The following PDE3B variants were observed in gnomAD, a reference collection of about 807,000 sequenced individuals.
PDE3B encodes the protein cGMP-inhibited 3',5'-cyclic phosphodiesterase 3B.
A neutral mutation model predicts 116.8 loss-of-function variants in PDE3B; 66 were observed. The observed-to-expected ratio is 0.56, with a 90% CI of 0.46 to 0.69. The LOEUF (loss-of-function observed/expected upper bound fraction) is 0.69. Ranked by LOEUF, PDE3B falls within the 30% of genes least tolerant of loss-of-function variation. PDE3B has a pLI of 0.00. For synonymous variants in PDE3B, 595 were observed against 533.6 expected, an observed-to-expected ratio of 1.12 and a Z score of -1.59; for missense variants, 1,384 against 1,368.1, an observed-to-expected ratio of 1.01 and a Z score of -0.18.
Position 14,644,527 on chromosome 11 carries a change from C to T in PDE3B, c.452C>T (p.Ser151Phe), listed in dbSNP as rs1377015091. Residue 151 changes from serine to phenylalanine, a missense_variant, in exon 1 of 16, where the codon TCC becomes TTC. By Grantham distance (155) the Ser-to-Phe change is radical (BLOSUM62 -2). Transcript: ENST00000282096. ...RGPGPGRSCG[S>F]WWLLALPACC... ...CCCGGCCCGGGCCGGAGCTGCGGCT[C>T]CTGGTGGCTGCTGGCGCTGCCCGCC... 2.5e-6 allele frequency: 4 copies of T among 1,607,054 alleles called. No individual in the cohort carries two copies. The highest frequency in any genetic ancestry group is 1.7e-5 in the Admixed American group (1 of 59,300).
In PDE3B at chr11:14,655,686, G is replaced by A. The variant is rs542428759; in HGVS notation, c.978+10633G>A. On this transcript the variant is annotated intron_variant, in intron 1 of 15. Transcript: ENST00000282096. ...GGCAAATAGTGATCAGTTTTTCGGG[G>A]GAGTGTATTGGAAGTCTTTATAGAG... Among the ~76,000 whole-genome samples the A allele has an allele frequency of 2.0e-5, 3 of 152,190 alleles. No individual in the cohort carries two copies. The South Asian group carries it at 6.2e-4, about 32-fold the overall frequency.
intron 1 of PDE3B, among the ~76,000 whole-genome samples, chr11:14,651,708 T>C (rs990368893): frequency 2.6e-5 from 4 of 152,192 alleles, no homozygotes; most frequent in Non-Finnish European, 4.4e-5. Context: ...AGATTCAATC[T>C]CATTTTTTAT....
intron 1 of PDE3B, among the ~76,000 whole-genome samples, chr11:14,764,276 A>G (rs1429764122): frequency 6.6e-6 from 1 of 152,036 alleles, no homozygotes; most frequent in Non-Finnish European, 1.5e-5. Context: ...CTACTCCTCA[A>G]CTCTATTTTT....
chr11:14,836,319 AAATAT>A (rs1267266041), intron 11 of PDE3B, among the ~76,000 whole-genome samples: 144 of 152,246 alleles, frequency 9.5e-4, no homozygotes, highest in African/African-American at 3.3e-3. Flanking sequence ...TCATATTGAG[AAATAT>A]AATATATAAA....
At chr11:14,660,093 A>T (rs980075212) in intron 1 of PDE3B, among the ~76,000 whole-genome samples, 1 of 152,188 alleles carries the variant, frequency 6.6e-6, no homozygotes, top group Non-Finnish European at 1.5e-5. Context: ...TTAGGCAATT[A>T]AAATCCTCCG....
intron 1 of PDE3B, among the ~76,000 whole-genome samples, chr11:14,656,675 T>C (rs1462690510): frequency 6.6e-6 from 1 of 152,184 alleles, no homozygotes; most frequent in East Asian, 1.9e-4. Flanking sequence ...GAAATAGATG[T>C]GATATGAAAT....
At chr11:14,690,749 T>A (rs909530020) in intron 1 of PDE3B, among the ~76,000 whole-genome samples, 1 of 152,114 alleles carries the variant, frequency 6.6e-6, no homozygotes, top group African/African-American at 2.4e-5. Flanking sequence ...TTTTAAATGA[T>A]GCATTGGGGT....
At chr11:14,710,093 A>C (rs148054047) in intron 1 of PDE3B, among the ~76,000 whole-genome samples, 1 of 152,184 alleles carries the variant, frequency 6.6e-6, no homozygotes, top group South Asian at 2.1e-4. Flanking sequence ...ATGAGCATAC[A>C]TACACCCTGG....
chr11:14,876,511 G>A (rs577620352), downstream of PDE3B, among the ~76,000 whole-genome samples: 2 of 152,222 alleles, frequency 1.3e-5, no homozygotes, highest in East Asian at 3.9e-4. Flanking sequence ...TTTGGGAGAA[G>A]CCAACTCCAT....
In PDE3B at chr11:14,783,597, C is replaced by T. The variant is rs149631254; in HGVS notation, c.1030-2840C>T. Among the ~76,000 whole-genome samples the T allele has an allele frequency of 5.7e-4, 86 of 150,832 alleles. 1 individual carries two copies. Among genetic ancestry groups the T allele is most frequent in the African/African-American group, 1.9e-3 (79 of 41,186 alleles). Reference sequence around the variant, plus strand: ...ACACAGGAAGGGGAACATCACACACCGGGGCTTGTAGTGGGGTGGGGGAGT... The same window carrying T: ...ACACAGGAAGGGGAACATCACACACTGGGGCTTGTAGTGGGGTGGGGGAGT... On this transcript the variant is annotated intron_variant, in intron 2 of 15. Transcript: ENST00000282096.
At chr11:14,827,460 C>A (rs1329224124) in intron 7 of PDE3B, among the ~76,000 whole-genome samples, 2 of 152,160 alleles carry the variant, frequency 1.3e-5, no homozygotes, top group African/African-American at 4.8e-5. Context: ...TAAGTAACTT[C>A]AGCAGAGTTT....
At chr11:14,704,937 G>A (rs1201446458) in intron 1 of PDE3B, among the ~76,000 whole-genome samples, 1 of 151,268 alleles carries the variant, frequency 6.6e-6, no homozygotes, top group Non-Finnish European at 1.5e-5. Context: ...GGTTAACATA[G>A]GAAAAATATT....
intron 1 of PDE3B, among the ~76,000 whole-genome samples, chr11:14,678,193 TG>T: frequency 6.6e-6 from 1 of 152,326 alleles, no homozygotes; most frequent in Middle Eastern, 3.4e-3. Flanking sequence ...CCCGGACTGC[TG>T]GGATTATAGG....
At chr11:14,861,408 C>T in intron 14 of PDE3B, 42 bp downstream of exon 14, 1 of 1,560,582 alleles carries the variant, frequency 6.4e-7, no homozygotes, top group Non-Finnish European at 8.8e-7. Context: ...TAAGAGCTGT[C>T]ATGAGAAGAC....
At chr11:14,879,465 AGTT>A in the PDE3B span, 1 of 1,562,992 alleles carries the variant, frequency 6.4e-7, no homozygotes, top group Non-Finnish European at 8.7e-7. Context: ...AAAGTATTCA[AGTT>A]ATTATGCAGT....
the PDE3B span, chr11:14,891,917 A>G: frequency 1.3e-6 from 2 of 1,557,346 alleles, no homozygotes; most frequent in Non-Finnish European, 1.7e-6. Context: ...TCCAACCAGG[A>G]AGGCCCTGGC....
chr11:14,895,481 G>C, the PDE3B span, among the ~76,000 whole-genome samples: 343 of 152,286 alleles, frequency 2.3e-3, 1 homozygote, highest in African/African-American at 7.4e-3. Context: ...CTGTTCCCAA[G>C]GTGAATTTCT....
intron 1 of PDE3B, among the ~76,000 whole-genome samples, chr11:14,704,100 A>G (rs1855456535): frequency 1.3e-5 from 2 of 151,784 alleles, no homozygotes; most frequent in African/African-American, 2.4e-5. Context: ...ACAAGTGAAA[A>G]CTAATTTTTA....
intron 1 of PDE3B, among the ~76,000 whole-genome samples, chr11:14,653,656 GAAATA>G (rs1853627954): frequency 6.6e-6 from 1 of 151,978 alleles, no homozygotes; most frequent in Non-Finnish European, 1.5e-5. Context: ...TATGATGAAA[GAAATA>G]AAATAGAAAC....
Sources: gnomAD v4.1 joint callset for allele counts (sites outside exome capture counted in the v4.1 genomes callset) on GRCh38, gnomAD v4.1.1 for gene constraint, MANE v1.5 for transcripts, NCBI Gene and HGNC (gene_info 2026-07-23, HGNC 2026-07-21) for gene names.